Variants in CD163 observed in about 807,000 individuals in gnomAD.
The protein encoded by CD163 is scavenger receptor cysteine-rich type 1 protein M130.
A neutral mutation model predicts 129.2 loss-of-function variants in CD163; 64 were observed. The ratio of observed to expected loss-of-function variants is 0.50; its 90% CI spans 0.41 to 0.61. CD163 has a LOEUF of 0.61. CD163 is among the 20% of genes least tolerant of loss of function. The probability of loss-of-function intolerance (pLI) is 0.00; values close to 1 mark genes in which losing one functional copy is unlikely to be tolerated. For synonymous variants in CD163, 446 were observed against 478.5 expected (o/e 0.93, Z 0.89); for missense variants, 1,061 against 1,377.9 (o/e 0.77, Z 3.64).
intron 2 of CD163, 104 bp from the exon 3 acceptor site, chr12:7,501,566 C>G: frequency 2.6e-6 from 2 of 771,296 alleles, no homozygotes; most frequent in East Asian, 2.5e-5. Context: ...GATTTGAGAA[C>G]CATCCTAGTC....
intron 6 of CD163, among the ~76,000 whole-genome samples, chr12:7,492,400 T>C (rs1230754681): frequency 6.6e-6 from 1 of 152,070 alleles, no homozygotes; most frequent in Non-Finnish European, 1.5e-5. Flanking sequence ...CAACCTAAAA[T>C]ATGGGTGTGG....
chr12:7,482,863 G>A (rs1949181896), intron 13 of CD163, 101 bp from the exon 14 acceptor site: 58 of 1,581,296 alleles, frequency 3.7e-5, no homozygotes, highest in Non-Finnish European at 4.9e-5. Context: ...TGATCCCTGA[G>A]GTAAATATCA....
Position 7,486,668 on chromosome 12 carries a change from T to C in CD163, c.2289A>G (p.Gly763=). ...AHVVCRQLGC[G]EAINATGSAH... ...CAGAACCAGTGGCATTAATGGCCTCTCCACAGCCCAGCTGTCTGCAAACCA... is the reference window on the plus strand; with the variant it reads ...CAGAACCAGTGGCATTAATGGCCTCCCCACAGCCCAGCTGTCTGCAAACCA... The change falls in exon 10 of 17, where the codon GGA becomes GGG. Residue 763 remains glycine (G), a synonymous_variant. Coordinates refer to ENST00000432237, the MANE Select transcript of CD163 (RefSeq NM_203416.4). The C allele has an allele frequency of 1.2e-6, 2 of 1,614,190 alleles. No homozygotes were observed. The highest frequency in any genetic ancestry group is 1.7e-6 in the Non-Finnish European group (2 of 1,180,032).
intron 11 of CD163, 166 bp from the exon 12 acceptor site, chr12:7,483,841 A>ATATATTTTTT (rs1442991429): frequency 2.7e-5 from 3 of 110,030 alleles, no homozygotes; most frequent in African/African-American, 7.6e-5. Context: ...ATATATATAT[A>ATATATTTTTT]TTTTTTTTTT....
At chr12:7,494,723 A>G (rs1205279500) in intron 6 of CD163, among the ~76,000 whole-genome samples, 2 of 152,208 alleles carry the variant, frequency 1.3e-5, no homozygotes, top group Non-Finnish European at 2.9e-5. Context: ...CTTTCACAGT[A>G]CAATAGAGGG....
intron 15 of CD163, chr12:7,480,197 C>T: frequency 2.2e-6 from 1 of 451,010 alleles, no homozygotes; most frequent in Admixed American, 4.4e-5. Context: ...TGTTCCCTGA[C>T]ACAGTAGCAG....
Position 7,487,142 on chromosome 12 carries a change from G to C in CD163, c.2051-156C>G, listed in dbSNP as rs1489832954. ...AAATAAATCAGGTGCTTTGAGATGG[G>C]CTTGGCACATAGTAAGCACTGGATA... On this transcript the variant is annotated intron_variant, in intron 8 of 16. Transcript: ENST00000432237. The surrounding 1 kb of genome is among the most constrained non-coding windows in gnomAD (Gnocchi z 5.1). Among the ~76,000 whole-genome samples, 1 of 152,146 alleles carries C rather than the reference G, an allele frequency of 6.6e-6. No individual in the cohort carries two copies. The highest frequency in any genetic ancestry group is 1.5e-5 in the Non-Finnish European group (1 of 68,020).
Position 7,481,137 on chromosome 12 carries a change from T to C in CD163, c.3343+24A>G. The C allele has an allele frequency of 1.9e-6, 3 of 1,612,860 alleles. No homozygotes were observed. The South Asian group carries it at 3.3e-5, about 18-fold the overall frequency. On this transcript the variant is annotated intron_variant, in intron 15 of 16. Transcript: ENST00000432237. ...GCCACTGATCTGAACCCCTGGGCAA[T>C]AGACCCTCCAAGAACCCACAGACCT...
At chr12:7,480,438 A>C (rs1249201059) in intron 15 of CD163, 1 of 152,686 alleles carries the variant, frequency 6.5e-6, no homozygotes, top group Non-Finnish European at 1.5e-5. Flanking sequence ...CTCATGCAAT[A>C]AAGATATTGA....
In CD163 at chr12:7,486,694, C is replaced by T. The variant is rs749980745; in HGVS notation, c.2263G>A (p.Val755Met). The change falls in exon 10 of 17, where the codon GTG (valine) becomes ATG (methionine). Residue 755 changes from valine (V) to methionine (M), a missense_variant. Coordinates refer to ENST00000432237, the MANE Select transcript of CD163 (RefSeq NM_203416.4). ...CCACAGCCCAGCTGTCTGCAAACCA[C>T]GTGGGCATCACTCAGGTCCCAGCTG... ...DDSWDLSDAH[V>M]VCRQLGCGEA... 10 of 1,614,100 alleles carry T rather than the reference C, an allele frequency of 6.2e-6. No individual in the cohort carries two copies. The highest frequency in any genetic ancestry group is 1.6e-4 in the Middle Eastern group (1 of 6,084).
intron 1 of CD163, chr12:7,502,812 C>CAAGTGTAGCGG: frequency 1.8e-6 from 1 of 555,648 alleles, no homozygotes. Context: ...GTGGTGGAAA[C>CAAGTGTAGCGG]GAGAATTGCA....
In CD163 at chr12:7,498,889, C is replaced by A. The variant is rs938887856; in HGVS notation, c.757G>T (p.Asp253Tyr). Residue 253 changes from aspartate to tyrosine, a missense_variant, in exon 4 of 17, where the codon GAT becomes TAT. By Grantham distance (160) the Asp-to-Tyr change is radical (BLOSUM62 -3). Coordinates refer to ENST00000432237, the MANE Select transcript of CD163 (RefSeq NM_203416.4). ...WGKHNCDHAE[D>Y]AGVICSKGAD... ...TTACTTGAGCAAATCACTCCAGCAT[C>A]CTCAGCATGATCACAGTTATGCTTT... is the stretch of plus-strand genomic sequence containing the variant. The A allele has an allele frequency of 3.7e-6, 6 of 1,613,954 alleles. No homozygotes were observed. The highest frequency in any genetic ancestry group is 1.1e-5 in the South Asian group (1 of 91,054).
chr12:7,501,048 G>A, intron 3 of CD163, 91 bp downstream of exon 3: 1 of 1,056,598 alleles, frequency 9.5e-7, no homozygotes, highest in East Asian at 2.4e-5. Context: ...ATTGCTTACA[G>A]GAAAGTGGCT....
rs190892078 is a variant in CD163, at chr12:7,486,902, G to T, written c.2135C>A (p.Ala712Asp). The change falls in exon 9 of 17, where the codon GCC (alanine) becomes GAC (aspartate). Residue 712 changes from alanine (A) to aspartate (D), a missense_variant. By Grantham distance (126) the Ala-to-Asp change is moderately radical (BLOSUM62 -2). Coordinates refer to ENST00000432237, the MANE Select transcript of CD163 (RefSeq NM_203416.4). ...RPTIPEESAV[A>D]CIESGQLRLV... is the part of the protein sequence containing the mutation. ...TTGTCACAGAGTCTTACCTATGCAG[G>T]CCACAGCACTTTCTTCTGGAATGGT... 1.2e-6 allele frequency: 2 copies of T among 1,613,504 alleles called. No individual in the cohort carries two copies. Among genetic ancestry groups the T allele is most frequent in the African/African-American group, 2.7e-5 (2 of 74,894 alleles).
intron 16 of CD163, among the ~76,000 whole-genome samples, chr12:7,477,438 G>T (rs1949102405): frequency 6.6e-6 from 1 of 152,158 alleles, no homozygotes; most frequent in Admixed American, 6.6e-5. Context: ...CCTTTGCAGG[G>T]ATATGGATGA....
chr12:7,471,509 G>C lies in CD163; in HGVS notation c.*32-112C>G, dbSNP rs931412872. 3.3e-5 allele frequency: 5 copies of C among 150,690 alleles called. 1 individual carries two copies. Among genetic ancestry groups the C allele is most frequent in the Non-Finnish European group, 2.9e-5 (2 of 67,964 alleles). The allele number at this position is 150,690 out of a possible 1,614,324, so 9.3% of individuals were successfully genotyped here. On this transcript the variant is annotated intron_variant, in intron 16 of 16. Coordinates refer to ENST00000432237, the MANE Select transcript of CD163 (RefSeq NM_203416.4). ...ATGTTAAAAATTATACTACTTTCCT[G>C]AGCAGAAATTTTAAATGCTATTTTT...
Position 7,483,659 on chromosome 12 carries a change from C to T in CD163, c.2796G>A (p.Gln932=). 1 of 1,611,868 alleles carries T rather than the reference C, an allele frequency of 6.2e-7. No individual in the cohort carries two copies. The highest frequency in any genetic ancestry group is 2.2e-5 in the East Asian group (1 of 44,796). ...GTCCAGAACAGGAAGTGGGTCCTTCCTGAAGTCTTATCTTGTCTGAAAAAT... is the reference window on the plus strand; with the variant it reads ...GTCCAGAACAGGAAGTGGGTCCTTCTTGAAGTCTTATCTTGTCTGAAAAAT... ...WITCDNKIRL[Q]EGPTSCSGRV... Residue 932 remains glutamine, a synonymous_variant, in exon 12 of 17, where the codon CAG becomes CAA. Transcript: ENST00000432237.
rs1218035664 is a variant in CD163 at position 7,485,274 on chromosome 12, C to T, written c.2601G>A (p.Leu867=). The T allele has an allele frequency of 6.2e-7, 1 of 1,614,218 alleles. No individual in the cohort carries two copies. The highest frequency in any genetic ancestry group is 1.1e-5 in the South Asian group (1 of 91,092). Residue 867 remains leucine (L), a synonymous_variant, in exon 11 of 17, where the codon CTG becomes CTA. Coordinates refer to ENST00000432237, the MANE Select transcript of CD163 (RefSeq NM_203416.4). The surrounding 1 kb of genome is among the most constrained non-coding windows in gnomAD (Gnocchi z 4.5). The part of the protein sequence containing the change: ...ETTVGVVCRQ[L]GCADKGKINP... ...TGATTTTCCCTTTGTCTGCACAGCC[C>T]AGCTGCCTGCACACCACACCCACAG...
intron 3 of CD163, 62 bp from the exon 4 acceptor site, chr12:7,499,250 G>C: frequency 6.9e-7 from 1 of 1,445,052 alleles, no homozygotes; most frequent in Non-Finnish European, 9.3e-7. Flanking sequence ...TTTTAGAAAA[G>C]AAGTTTCCTC....
Sources: gnomAD v4.1 joint callset for allele counts (sites outside exome capture counted in the v4.1 genomes callset) on GRCh38, gnomAD v4.1.1 for gene constraint, Gnocchi (gnomAD v3.1) non-coding constraint, MANE v1.5 for transcripts, NCBI Gene and HGNC (gene_info 2026-07-23, HGNC 2026-07-21) for gene names.